The following INVS variants were observed in gnomAD, a reference collection of about 807,000 sequenced individuals.
The protein encoded by INVS is inversin, also known as inversion of embryo turning homolog.
INVS carries 86 observed loss-of-function variants against 108.8 expected under a neutral mutation model. The ratio of observed to expected loss-of-function variants is 0.79; its 90% CI spans 0.66 to 0.95. The LOEUF (loss-of-function observed/expected upper bound fraction) is 0.95. Ranked by LOEUF, INVS falls within the 40% of genes least tolerant of loss-of-function variation. The probability of loss-of-function intolerance (pLI) is 0.00; values close to 1 mark genes in which losing one functional copy is unlikely to be tolerated. For synonymous variants in INVS, 455 were observed against 473.5 expected (o/e 0.96, Z 0.51); for missense variants, 1,169 against 1,297.4 (o/e 0.90, Z 1.52).
chr9:100,147,608 A>G (rs1828660241), intron 3 of INVS, among the ~76,000 whole-genome samples: 1 of 152,178 alleles, frequency 6.6e-6, no homozygotes, highest in Admixed American at 6.6e-5. Flanking sequence ...AATTTATCCT[A>G]AAAATAAGCC....
chr9:100,158,764 A>G (rs1410250318), intron 3 of INVS, among the ~76,000 whole-genome samples: 1 of 152,200 alleles, frequency 6.6e-6, no homozygotes, highest in Non-Finnish European at 1.5e-5. Flanking sequence ...CCGCGTTGAA[A>G]TTTGATCCCC....
intron 3 of INVS, among the ~76,000 whole-genome samples, chr9:100,212,663 ATCT>A (rs1399353628): frequency 2.0e-5 from 3 of 152,022 alleles, no homozygotes; most frequent in Non-Finnish European, 4.4e-5. Flanking sequence ...CCATTCAGGA[ATCT>A]TCTTATGTAT....
At chr9:100,164,648 T>C (rs1224090048) in intron 3 of INVS, among the ~76,000 whole-genome samples, 1 of 152,144 alleles carries the variant, frequency 6.6e-6, no homozygotes, top group Admixed American at 6.5e-5. Context: ...AAATGACCTT[T>C]TAAAATGTAA....
intron 3 of INVS, among the ~76,000 whole-genome samples, chr9:100,195,794 A>G (rs1026883985): frequency 6.6e-6 from 1 of 152,172 alleles, no homozygotes; most frequent in African/African-American, 2.4e-5. Flanking sequence ...GGCCACATCA[A>G]TTGATTTTAA....
At chr9:100,230,972 T>C (rs1484949506) in intron 5 of INVS, among the ~76,000 whole-genome samples, 1 of 152,258 alleles carries the variant, frequency 6.6e-6, no homozygotes, top group East Asian at 1.9e-4. Context: ...CAGTGCTGCA[T>C]TGACATTTTT....
chr9:100,291,002 AACAG>A (rs1313339867), intron 13 of INVS, among the ~76,000 whole-genome samples: 1 of 151,326 alleles, frequency 6.6e-6, no homozygotes, highest in East Asian at 2.0e-4. Flanking sequence ...ACCCAGCCAG[AACAG>A]TTATTTTAAA....
intron 4 of INVS, among the ~76,000 whole-genome samples, chr9:100,227,209 G>A (rs1014150628): frequency 6.6e-6 from 1 of 152,220 alleles, no homozygotes; most frequent in African/African-American, 2.4e-5. Flanking sequence ...TAATTAGTAA[G>A]TGCTATTATA....
chr9:100,100,193 A>G (rs1826777828), intron 1 of INVS, among the ~76,000 whole-genome samples: 1 of 152,108 alleles, frequency 6.6e-6, no homozygotes, highest in African/African-American at 2.4e-5. Context: ...TCTATAAAAA[A>G]TGATTTATTT....
At chr9:100,119,189 C>G (rs534796750) in intron 2 of INVS, among the ~76,000 whole-genome samples, 64 of 152,184 alleles carry the variant, frequency 4.2e-4, no homozygotes, top group African/African-American at 1.4e-3. Context: ...TTTTCAAAAC[C>G]TTTTTATTCT....
intron 3 of INVS, among the ~76,000 whole-genome samples, chr9:100,204,577 T>C (rs1830622933): frequency 6.6e-6 from 1 of 152,166 alleles, no homozygotes; most frequent in Non-Finnish European, 1.5e-5. Context: ...CTCCCATGAT[T>C]CTCACAAAAT....
chr9:100,245,423 GC>G (rs1832014108), intron 7 of INVS, among the ~76,000 whole-genome samples: 1 of 152,052 alleles, frequency 6.6e-6, no homozygotes, highest in Non-Finnish European at 1.5e-5. Context: ...GGGACTACAG[GC>G]ATGTGCCACC....
chr9:100,284,393 C>A lies in INVS; in HGVS notation c.1858C>A (p.Pro620Thr). ...AAGGCGGAGCCCAGATTCCTGCAGA[C>A]CCCAGGCCCTTCCCTGTCTGCCTAG... Reference protein sequence around the residue: ...KGRRSPDSCRPQALPCLPSTQ... With the variant: ...KGRRSPDSCRTQALPCLPSTQ... The change falls in exon 13 of 17, where the codon CCC becomes ACC. Residue 620 changes from proline (P) to threonine (T), a missense_variant. Transcript: ENST00000262457. 6.2e-7 allele frequency: 1 copy of A among 1,613,976 alleles called. No individual in the cohort carries two copies. Among genetic ancestry groups the A allele is most frequent in the Non-Finnish European group, 8.5e-7 (1 of 1,180,044 alleles).
intron 3 of INVS, among the ~76,000 whole-genome samples, chr9:100,223,635 A>G (rs1264414963): frequency 2.0e-5 from 3 of 152,244 alleles, no homozygotes; most frequent in Non-Finnish European, 4.4e-5. Flanking sequence ...GAAAAGTACT[A>G]TGAGAGAAAT....
rs140664868 is a variant in INVS, at chr9:100,229,827, G to A, written c.615G>A (p.Leu205=). The part of the protein sequence containing the change: ...PSAVHTVRCI[L]DAAPTESLLN... ...CTGTTCACACAGTGAGATGCATTCTGGTGAGTTGAATGGTACTGCTAGACC... is the reference window on the plus strand; with the variant it reads ...CTGTTCACACAGTGAGATGCATTCTAGTGAGTTGAATGGTACTGCTAGACC... The change falls in exon 5 of 17, where the codon CTG becomes CTA. Residue 205 remains leucine (L), a splice_region_variant and synonymous_variant. Coordinates refer to ENST00000262457, the MANE Select transcript of INVS (RefSeq NM_014425.5). 3.1e-6 allele frequency: 5 copies of A among 1,613,856 alleles called. No individual in the cohort carries two copies. In the African/African-American group the frequency reaches 5.3e-5, roughly 17 times the overall value.
At chr9:100,182,600 A>G (rs1196712136) in intron 3 of INVS, among the ~76,000 whole-genome samples, 1 of 152,222 alleles carries the variant, frequency 6.6e-6, no homozygotes, top group African/African-American at 2.4e-5. Context: ...CATGCCAGTT[A>G]GAATGGCGAT....
At chr9:100,104,237 A>G (rs1827099361) in intron 1 of INVS, among the ~76,000 whole-genome samples, 1 of 152,050 alleles carries the variant, frequency 6.6e-6, no homozygotes, top group South Asian at 2.1e-4. Flanking sequence ...CTTTTGAGAC[A>G]GGTCTCACTA....
chr9:100,245,338 G>A (rs1832009130), intron 7 of INVS, among the ~76,000 whole-genome samples: 1 of 152,210 alleles, frequency 6.6e-6, no homozygotes, highest in Admixed American at 6.5e-5. Context: ...GGAGTGCAAT[G>A]ATGCAATCTC....
intron 14 of INVS, among the ~76,000 whole-genome samples, chr9:100,296,539 T>A (rs1215852539): frequency 6.6e-6 from 1 of 152,200 alleles, no homozygotes; most frequent in Non-Finnish European, 1.5e-5. Context: ...ATTCATCTTT[T>A]AAAATCCAGC....
rs2118762244 is a variant in INVS, at chr9:100,292,628, C to CA, written c.2372dup (p.Lys792GlufsTer18). 6.2e-7 allele frequency: 1 copy of CA among 1,614,196 alleles called. No homozygotes were observed. The highest frequency in any genetic ancestry group is 1.1e-5 in the South Asian group (1 of 91,082). On this transcript the variant is annotated frameshift_variant, in exon 14 of 17. Transcript: ENST00000262457. LOFTEE classifies it high-confidence loss of function. ...AGAACCCAAGGCCAAATGTGCCCCC[C>CA]AGAAAAGGCGCACTCAAGAGCTCAG...
Sources: allele counts gnomAD v4.1 joint callset (sites outside exome capture counted in the v4.1 genomes callset), GRCh38; gene constraint gnomAD v4.1.1; transcripts MANE v1.5; gene names NCBI Gene and HGNC (gene_info 2026-07-23, HGNC 2026-07-21).